DPYD: variants seen among roughly 807,000 people sequenced by gnomAD.
DPYD encodes dihydropyrimidine dehydrogenase.
DPYD carries 109 observed loss-of-function variants against 116.2 expected under a neutral mutation model. The ratio of observed to expected loss-of-function variants is 0.94; its 90% CI spans 0.80 to 1.10. DPYD has a LOEUF of 1.10. Among genes scored for constraint, DPYD ranks in the 50% least tolerant of loss-of-function variants. The probability of loss-of-function intolerance (pLI) is 0.00; values close to 1 mark genes in which losing one functional copy is unlikely to be tolerated. For synonymous variants in DPYD, 440 were observed against 432.0 expected (o/e 1.02, Z -0.23); for missense variants, 1,302 against 1,254.5 (o/e 1.04, Z -0.57).
chr1:97,488,535 C>G (rs1375115993), intron 13 of DPYD, among the ~76,000 whole-genome samples: 1 of 152,154 alleles, frequency 6.6e-6, no homozygotes, highest in Non-Finnish European at 1.5e-5. Context: ...AAGCTTACCT[C>G]AAATTACTGT....
chr1:97,555,163 CT>C (rs1651601103), intron 11 of DPYD, among the ~76,000 whole-genome samples: 1 of 151,998 alleles, frequency 6.6e-6, no homozygotes, highest in African/African-American at 2.4e-5. Flanking sequence ...TAATTTTGAT[CT>C]TTTTTGATTT....
chr1:97,530,975 T>C (rs899307588), intron 12 of DPYD, among the ~76,000 whole-genome samples: 2 of 152,042 alleles, frequency 1.3e-5, no homozygotes, highest in African/African-American at 4.8e-5. Flanking sequence ...TTTAAATATT[T>C]TGCTATTGAA....
At chr1:97,688,422 A>C (rs1164120876) in intron 7 of DPYD, among the ~76,000 whole-genome samples, 1 of 152,120 alleles carries the variant, frequency 6.6e-6, no homozygotes, top group Non-Finnish European at 1.5e-5. Flanking sequence ...TTTTCTAGAA[A>C]TATATTGGCA....
At chr1:97,443,992 A>T (rs1486410781) in intron 14 of DPYD, among the ~76,000 whole-genome samples, 2 of 152,184 alleles carry the variant, frequency 1.3e-5, no homozygotes, top group African/African-American at 4.8e-5. Flanking sequence ...TTTGGAATAC[A>T]GAATTTCAGA....
At chr1:97,842,441 G>C (rs760752712) in intron 2 of DPYD, among the ~76,000 whole-genome samples, 38 of 151,958 alleles carry the variant, frequency 2.5e-4, no homozygotes, top group South Asian at 8.3e-4. Flanking sequence ...CATTCAAGTT[G>C]ATTTTCTCTC....
chr1:97,601,841 A>T (rs1222223437), intron 8 of DPYD, among the ~76,000 whole-genome samples: 1 of 152,046 alleles, frequency 6.6e-6, no homozygotes, highest in Non-Finnish European at 1.5e-5. Flanking sequence ...AAAAAAATGG[A>T]GTGATTCAAT....
chr1:97,479,402 A>T (rs1453145357), intron 13 of DPYD, among the ~76,000 whole-genome samples: 1 of 152,182 alleles, frequency 6.6e-6, no homozygotes, highest in East Asian at 1.9e-4. Context: ...AGGGAGACAG[A>T]CAGAGGAACA....
At chr1:97,386,210 C>T (rs1672335301) in intron 14 of DPYD, among the ~76,000 whole-genome samples, 1 of 152,102 alleles carries the variant, frequency 6.6e-6, no homozygotes, top group Non-Finnish European at 1.5e-5. Flanking sequence ...AAAGTATCCC[C>T]ACCTGCACTG....
At chr1:97,122,418 T>G (rs1652521964) in intron 20 of DPYD, among the ~76,000 whole-genome samples, 1 of 152,134 alleles carries the variant, frequency 6.6e-6, no homozygotes, top group Non-Finnish European at 1.5e-5. Context: ...GCTATAAAGC[T>G]TAAGAACTAT....
rs79152122 is a variant in DPYD, at chr1:97,612,966, G to C, written c.851-17800C>G. Among the ~76,000 whole-genome samples the C allele has an allele frequency of 1.1e-3, 170 of 152,018 alleles. 1 individual carries two copies. The East Asian group carries it at 0.03, about 27-fold the overall frequency. ...TGAAATTTTCTTACTGATTATTATA[G>C]AGTTTTGAATAATCTAGAATGAATG... On this transcript the variant is annotated intron_variant, in intron 8 of 22. Transcript: ENST00000370192.
intron 18 of DPYD, among the ~76,000 whole-genome samples, chr1:97,275,226 T>C (rs925513036): frequency 1.3e-5 from 2 of 152,104 alleles, no homozygotes; most frequent in African/African-American, 4.8e-5. Context: ...CTAGGTAACT[T>C]TTATCCTGGA....
In DPYD at chr1:97,323,340, A is replaced by ATACATATGTGTATATGTACACGTATG. The variant is rs1668443895; in HGVS notation, c.2059-17044_2059-17043insCATACGTGTACATATACACATATGTA. ...TACATATGTGTATATGTACACGTAT[A>ATACATATGTGTATATGTACACGTATG]TATACATGTGTATATGTACACGTAT... On this transcript the variant is annotated intron_variant, in intron 16 of 22. Coordinates refer to ENST00000370192, the MANE Select transcript of DPYD (RefSeq NM_000110.4). 1.5e-4 allele frequency among the ~76,000 whole-genome samples: 13 copies of ATACATATGTGTATATGTACACGTATG among 84,658 alleles called. 2 individuals carry two copies. The highest frequency in any genetic ancestry group is 4.7e-4 in the South Asian group (1 of 2,116). The allele number at this position is 84,658 out of a possible 152,430, so 55.5% of individuals were successfully genotyped here.
chr1:97,181,437 C>T lies in DPYD; in HGVS notation c.2622+11632G>A, dbSNP rs76912324. Among the ~76,000 whole-genome samples the T allele has an allele frequency of 8.3e-3, 1,271 of 152,226 alleles. 11 individuals are homozygous for T. The highest frequency in any genetic ancestry group is 0.013 in the Non-Finnish European group (905 of 68,010). The stretch of plus-strand genomic sequence containing the variant: ...CTATTTTAGGAAGAATGATGGACTA[C>T]TCATGACAATTTACTGCCCAAACTT... On this transcript the variant is annotated intron_variant, in intron 20 of 22. Coordinates refer to ENST00000370192, the MANE Select transcript of DPYD (RefSeq NM_000110.4).
At chr1:97,599,943 G>A (rs1013864388) in intron 8 of DPYD, among the ~76,000 whole-genome samples, 2 of 150,500 alleles carry the variant, frequency 1.3e-5, no homozygotes, top group African/African-American at 2.4e-5. Context: ...CTATTCCAGA[G>A]GCTGAGGCAC....
At chr1:97,276,878 A>G (rs1465531951) in intron 18 of DPYD, among the ~76,000 whole-genome samples, 4 of 152,188 alleles carry the variant, frequency 2.6e-5, no homozygotes, top group Non-Finnish European at 4.4e-5. Flanking sequence ...AGGGAAATAA[A>G]TTGTTCTACC....
intron 19 of DPYD, among the ~76,000 whole-genome samples, chr1:97,230,147 G>A (rs535302759): frequency 1.3e-5 from 2 of 152,238 alleles, no homozygotes; most frequent in East Asian, 3.9e-4. Context: ...GTACACAAAG[G>A]AATATAAATC....
intron 3 of DPYD, among the ~76,000 whole-genome samples, chr1:97,768,266 TTG>T (rs1392047450): frequency 3.3e-5 from 5 of 152,174 alleles, no homozygotes; most frequent in Admixed American, 1.3e-4. Context: ...ATGTATATCT[TTG>T]TGTGTATTAA....
intron 2 of DPYD, among the ~76,000 whole-genome samples, chr1:97,864,909 G>A (rs1671295892): frequency 6.6e-6 from 1 of 151,888 alleles, no homozygotes; most frequent in Non-Finnish European, 1.5e-5. Context: ...TGTTTTTGAA[G>A]CCTGATTCTA....
chr1:97,202,632 G>A (rs943476974), intron 19 of DPYD, among the ~76,000 whole-genome samples: 3 of 152,204 alleles, frequency 2.0e-5, no homozygotes, highest in Non-Finnish European at 4.4e-5. Context: ...TTGTGAGACT[G>A]ATCTTCTCTG....
Sources: gnomAD v4.1 joint callset for allele counts (sites outside exome capture counted in the v4.1 genomes callset) on GRCh38, gnomAD v4.1.1 for gene constraint, MANE v1.5 for transcripts, NCBI Gene and HGNC (gene_info 2026-07-23, HGNC 2026-07-21) for gene names.